The following RASAL2 variants were observed in gnomAD, a reference collection of about 807,000 sequenced individuals.
RASAL2 encodes RAS protein activator like 2, also known as ras GTPase-activating protein nGAP.
RASAL2 carries 58 observed loss-of-function variants against 128.9 expected under a neutral mutation model. The observed-to-expected ratio is 0.45, with a 90% CI of 0.36 to 0.56. The LOEUF (loss-of-function observed/expected upper bound fraction) is 0.56. Among genes scored for constraint, RASAL2 ranks in the 20% least tolerant of loss-of-function variants. The pLI is 0.00. For synonymous variants in RASAL2, 561 were observed against 580.8 expected (o/e 0.97, Z 0.49); for missense variants, 1,360 against 1,601.6 (o/e 0.85, Z 2.57).
At chr1:178,406,900 A>G (rs1674036531) in intron 4 of RASAL2, among the ~76,000 whole-genome samples, 1 of 151,986 alleles carries the variant, frequency 6.6e-6, no homozygotes, top group Non-Finnish European at 1.5e-5. Context: ...TGATTAATGG[A>G]TATGTGTTTA....
chr1:178,201,443 G>C (rs1048996739), intron 1 of RASAL2, among the ~76,000 whole-genome samples: 2 of 152,198 alleles, frequency 1.3e-5, no homozygotes, highest in Non-Finnish European at 2.9e-5. Context: ...AGCTGGAAGA[G>C]TCCAGAAGCT....
rs1014040814 is a variant in RASAL2, at chr1:178,220,821, A to G, written c.203-62743A>G. ...CCAAGGTTTATTTAGCCATTTGTCT[A>G]CTGAAAGACATGTTGGTTGCTTCCA... On this transcript the variant is annotated intron_variant, in intron 1 of 17. Transcript: ENST00000367649. Among the ~76,000 whole-genome samples the G allele has an allele frequency of 3.9e-5, 6 of 152,210 alleles. No individual in the cohort carries two copies. In the South Asian group the frequency reaches 1.0e-3, roughly 26 times the overall value.
chr1:178,317,953 C>T (rs1455294858), intron 3 of RASAL2, among the ~76,000 whole-genome samples: 5 of 151,214 alleles, frequency 3.3e-5, no homozygotes, highest in Non-Finnish European at 5.9e-5. Context: ...TCCCTCTACA[C>T]ACTGCTTTGA....
intron 9 of RASAL2, among the ~76,000 whole-genome samples, chr1:178,450,880 G>A (rs559928584): frequency 8.0e-4 from 122 of 152,262 alleles, no homozygotes; most frequent in Non-Finnish European, 1.6e-3. Context: ...GAAATATGAA[G>A]TAGTCGAAGA....
intron 1 of RASAL2, among the ~76,000 whole-genome samples, chr1:178,175,474 T>G (rs2101918649): frequency 1.8e-5 from 1 of 57,116 alleles, no homozygotes; most frequent in African/African-American, 6.0e-5. Context: ...GTGTGTGTGA[T>G]AACTATGCCC....
intron 1 of RASAL2, among the ~76,000 whole-genome samples, chr1:178,218,967 A>G (rs1340642710): frequency 1.3e-5 from 2 of 152,240 alleles, no homozygotes; most frequent in African/African-American, 2.4e-5. Flanking sequence ...AGACTGTTTC[A>G]TCTATGTTGA....
intron 1 of RASAL2, among the ~76,000 whole-genome samples, chr1:178,237,051 A>T (rs1330185964): frequency 6.6e-6 from 1 of 152,122 alleles, no homozygotes; most frequent in Non-Finnish European, 1.5e-5. Context: ...GGTGTGAGCC[A>T]GCGCGCCCAG....
At chr1:178,260,180 G>A (rs1665604749) in intron 1 of RASAL2, among the ~76,000 whole-genome samples, 1 of 148,942 alleles carries the variant, frequency 6.7e-6, no homozygotes, top group African/African-American at 2.5e-5. Flanking sequence ...GTGAAACTCC[G>A]TCTCTACTAA....
intron 3 of RASAL2, among the ~76,000 whole-genome samples, chr1:178,323,623 C>G (rs1047122107): frequency 6.6e-6 from 1 of 152,078 alleles, no homozygotes; most frequent in African/African-American, 2.4e-5. Flanking sequence ...GGTCTGAACT[C>G]CGTGCTGTTG....
At chr1:178,336,171 A>G (rs1194563613) in intron 3 of RASAL2, among the ~76,000 whole-genome samples, 5 of 150,506 alleles carry the variant, frequency 3.3e-5, no homozygotes, top group African/African-American at 1.2e-4. Flanking sequence ...TCGCTGTTGT[A>G]ATTTTCCTTT....
At position 178,193,064 on chromosome 1, in the gene RASAL2, A is replaced by G. The variant is rs1432488697; in HGVS notation, c.203-90500A>G. Among the ~76,000 whole-genome samples, 4 of 152,142 alleles carry G rather than the reference A, an allele frequency of 2.6e-5. No homozygotes were observed. The South Asian group carries it at 8.3e-4, about 32-fold the overall frequency. ...TAGGGTCAAATTTTTACATAGCGAA[A>G]CAGGAAGCAGCGAAAAAAATATATT... is the stretch of plus-strand genomic sequence containing the variant. On this transcript the variant is annotated intron_variant, in intron 1 of 17. Coordinates refer to ENST00000367649, the MANE Select transcript of RASAL2 (RefSeq NM_170692.4).
intron 1 of RASAL2, among the ~76,000 whole-genome samples, chr1:178,204,024 TAGA>T (rs759949686): frequency 2.6e-5 from 4 of 152,204 alleles, no homozygotes; most frequent in Non-Finnish European, 4.4e-5. Flanking sequence ...TTGGTAGTAG[TAGA>T]AGAAGGTCAT....
At chr1:178,317,739 A>G (rs1668558489) in intron 3 of RASAL2, among the ~76,000 whole-genome samples, 1 of 147,778 alleles carries the variant, frequency 6.8e-6, no homozygotes. Context: ...CTTTCAAAAA[A>G]CCAGCTCCTG....
At chr1:178,346,182 G>A (rs1439056716) in intron 3 of RASAL2, among the ~76,000 whole-genome samples, 1 of 152,128 alleles carries the variant, frequency 6.6e-6, no homozygotes, top group African/African-American at 2.4e-5. Context: ...TTGGGAGGCT[G>A]AATCAGGAGG....
intron 1 of RASAL2, among the ~76,000 whole-genome samples, chr1:178,231,086 A>T (rs774391734): frequency 7.2e-5 from 11 of 152,004 alleles, no homozygotes; most frequent in Non-Finnish European, 1.2e-4. Context: ...GAAGCTGCTG[A>T]TCACCAGTTT....
chr1:178,454,542 C>T lies in RASAL2; in HGVS notation c.2105C>T (p.Pro702Leu). Residue 702 changes from proline (P) to leucine (L), a missense_variant, in exon 12 of 18, where the codon CCA (proline) becomes CTA (leucine). Around this residue, in one of 3 missense-constraint regions of RASAL2, gnomAD observed 741 missense variants for 868.6 expected, o/e 0.85. Transcript: ENST00000367649. The part of the protein sequence containing the change: ...MKRFLLEISN[P>L]DTISNTPGFD... ...CGCTTTCTTTTGGAGATCTCTAATC[C>T]AGACACCATCTCAAACACCCCAGGC... 3 of 1,613,750 alleles carry T rather than the reference C, an allele frequency of 1.9e-6. No homozygotes were observed. Among genetic ancestry groups the T allele is most frequent in the Non-Finnish European group, 2.5e-6 (3 of 1,179,720 alleles).
intron 2 of RASAL2, among the ~76,000 whole-genome samples, chr1:178,285,727 T>C (rs1666998869): frequency 1.3e-5 from 2 of 152,238 alleles, no homozygotes; most frequent in South Asian, 4.1e-4. Flanking sequence ...TAACCAAATG[T>C]ACTGTCAGCA....
rs1470480074 is a variant in RASAL2, at chr1:178,132,731, T to G, written c.202+38037T>G. 2.0e-5 allele frequency among the ~76,000 whole-genome samples: 3 copies of G among 152,148 alleles called. No homozygotes were observed. The East Asian group carries it at 5.8e-4, about 29-fold the overall frequency. Reference sequence around the variant, plus strand: ...TGTACCATAACTGATTTGTATGTCATTTTTGTTGTTTTGATTCACCTTTTA... The same window carrying G: ...TGTACCATAACTGATTTGTATGTCAGTTTTGTTGTTTTGATTCACCTTTTA... On this transcript the variant is annotated intron_variant, in intron 1 of 17. Coordinates refer to ENST00000367649, the MANE Select transcript of RASAL2 (RefSeq NM_170692.4).
intron 1 of RASAL2, among the ~76,000 whole-genome samples, chr1:178,170,819 C>G (rs1217992343): frequency 1.3e-5 from 2 of 151,832 alleles, no homozygotes; most frequent in Admixed American, 1.3e-4. Flanking sequence ...CACATACATA[C>G]CAGCCCAGGT....
Sources: allele counts gnomAD v4.1 joint callset (sites outside exome capture counted in the v4.1 genomes callset), GRCh38; gene constraint gnomAD v4.1.1; regional missense constraint gnomAD v4.1.1; transcripts MANE v1.5; gene names NCBI Gene and HGNC (gene_info 2026-07-23, HGNC 2026-07-21).